Variants in SH2D4A observed in about 807,000 individuals in gnomAD.
SH2D4A encodes the protein SH2 domain-containing protein 4A.
A neutral mutation model predicts 64.7 loss-of-function variants in SH2D4A; 70 were observed. That is an observed-to-expected ratio of 1.08 (90% CI 0.89 to 1.32). SH2D4A has a LOEUF of 1.32. SH2D4A is among the 40% of genes most tolerant of loss of function. The pLI is 0.00. For missense variants in SH2D4A, 706 were observed against 540.1 expected, an observed-to-expected ratio of 1.31 and a Z score of -3.04; for synonymous variants, 268 against 200.7, an observed-to-expected ratio of 1.34 and a Z score of -2.83.
At chr8:19,359,862 CA>C (rs2052851981) in intron 5 of SH2D4A, among the ~76,000 whole-genome samples, 1 of 152,196 alleles carries the variant, frequency 6.6e-6, no homozygotes, top group Admixed American at 6.5e-5. Flanking sequence ...GACATAATAG[CA>C]AGGAAGTCTT....
intron 9 of SH2D4A, 46 bp downstream of exon 9, chr8:19,393,587 G>A: frequency 1.9e-6 from 3 of 1,575,646 alleles, no homozygotes; most frequent in South Asian, 2.2e-5. Flanking sequence ...TTACTGTCCT[G>A]TAGCAGCTCT....
intron 8 of SH2D4A, among the ~76,000 whole-genome samples, chr8:19,383,327 T>G (rs1220930039): frequency 6.6e-6 from 1 of 152,098 alleles, no homozygotes; most frequent in South Asian, 2.1e-4. Context: ...TGCTTAAATC[T>G]GCCTGTGAAT....
At position 19,386,408 on chromosome 8, in the gene SH2D4A, G is replaced by A. The variant is rs149756698; in HGVS notation, c.1049-6910G>A. On this transcript the variant is annotated intron_variant, in intron 8 of 9. Transcript: ENST00000265807. ...AGTGCAGCAGGCTTCCTGCAAAAAT[G>A]TCACTGTGTTTGCCAGTAATGTGGG... 4.5e-3 allele frequency among the ~76,000 whole-genome samples: 684 copies of A among 152,344 alleles called. 8 individuals carry two copies. Among genetic ancestry groups the A allele is most frequent in the African/African-American group, 0.016 (663 of 41,574 alleles).
rs556611210 is a variant in SH2D4A, at chr8:19,392,041, A to ACTCTGTGAGTTT, written c.1049-1276_1049-1265dup. Among the ~76,000 whole-genome samples the ACTCTGTGAGTTT allele has an allele frequency of 7.4e-4, 112 of 152,010 alleles. 1 individual carries two copies. The highest frequency in any genetic ancestry group is 2.3e-3 in the African/African-American group (97 of 41,460). ...CCCCATCTTTCCAAGATGCGTTTCT[A>ACTCTGTGAGTTT]CTCTGTGAGTTTTACAGCATTATCT... On this transcript the variant is annotated intron_variant, in intron 8 of 9. Transcript: ENST00000265807.
intron 7 of SH2D4A, among the ~76,000 whole-genome samples, chr8:19,367,235 C>G (rs547235215): frequency 1.3e-5 from 2 of 152,276 alleles, no homozygotes; most frequent in African/African-American, 4.8e-5. Context: ...ATCTCTTTGA[C>G]ATACTGATTT....
intron 7 of SH2D4A, among the ~76,000 whole-genome samples, chr8:19,372,974 C>A (rs1052321385): frequency 1.3e-5 from 2 of 151,880 alleles, no homozygotes; most frequent in African/African-American, 2.4e-5. Flanking sequence ...TATCTTATTG[C>A]ATTTGATTTC....
intron 4 of SH2D4A, among the ~76,000 whole-genome samples, chr8:19,354,152 C>G (rs1022392333): frequency 2.6e-5 from 4 of 151,956 alleles, no homozygotes; most frequent in Admixed American, 2.0e-4. Context: ...CCACCATGCA[C>G]CACCATGCCA....
chr8:19,378,358 T>C (rs2053231033), intron 8 of SH2D4A, among the ~76,000 whole-genome samples: 1 of 152,216 alleles, frequency 6.6e-6, no homozygotes, highest in Non-Finnish European at 1.5e-5. Flanking sequence ...TATTTTTGCA[T>C]AGAATAGACA....
At position 19,393,498 on chromosome 8, in the gene SH2D4A, A is replaced by C. The variant is rs769066076; in HGVS notation, c.1229A>C (p.Gln410Pro). 1 of 1,614,146 alleles carries C rather than the reference A, an allele frequency of 6.2e-7. No homozygotes were observed. The highest frequency in any genetic ancestry group is 8.5e-7 in the Non-Finnish European group (1 of 1,180,062). The change falls in exon 9 of 10, where the codon CAG becomes CCG. Residue 410 changes from glutamine (Q) to proline (P), a missense_variant. By Grantham distance (76) the Gln-to-Pro change is moderately conservative. Coordinates refer to ENST00000265807, the MANE Select transcript of SH2D4A (RefSeq NM_022071.4). ...GCCTACAGCTTCCTGGGCGTGGACC[A>C]GCTACAGCATGCCACCTTGGCGGAT... ...ADAYSFLGVD[Q>P]LQHATLADLV... is the part of the protein sequence containing the mutation.
At chr8:19,377,345 G>A (rs2053213342) in intron 8 of SH2D4A, among the ~76,000 whole-genome samples, 1 of 152,174 alleles carries the variant, frequency 6.6e-6, no homozygotes, top group Non-Finnish European at 1.5e-5. Context: ...TGGAGCCACT[G>A]TACTCCAGCC....
intron 8 of SH2D4A, among the ~76,000 whole-genome samples, chr8:19,381,958 T>C (rs1197638032): frequency 6.6e-6 from 1 of 152,200 alleles, no homozygotes; most frequent in Non-Finnish European, 1.5e-5. Flanking sequence ...GATTTTCATA[T>C]ATTGTACCAT....
intron 2 of SH2D4A, among the ~76,000 whole-genome samples, chr8:19,320,833 C>G (rs1029357739): frequency 3.9e-5 from 6 of 152,128 alleles, no homozygotes; most frequent in African/African-American, 1.2e-4. Flanking sequence ...AAGACCGTCT[C>G]TTTTCATGTT....
At chr8:19,380,683 G>A (rs13263385) in intron 8 of SH2D4A, among the ~76,000 whole-genome samples, 23,626 of 152,118 alleles carry the variant, frequency 0.16, 2,178 homozygotes, top group African/African-American at 0.25. Context: ...ATTTGACCAT[G>A]TCTATGCATT....
chr8:19,328,922 G>A (rs536335573), intron 2 of SH2D4A, among the ~76,000 whole-genome samples: 2 of 152,238 alleles, frequency 1.3e-5, no homozygotes, highest in South Asian at 4.1e-4. Context: ...TAGCTTTCTG[G>A]CTCAGCTGCA....
intron 2 of SH2D4A, among the ~76,000 whole-genome samples, chr8:19,329,896 G>T (rs988217569): frequency 2.6e-5 from 4 of 152,138 alleles, no homozygotes; most frequent in African/African-American, 9.7e-5. Flanking sequence ...TTTGCAAATT[G>T]CCCAGTCTTG....
intron 8 of SH2D4A, among the ~76,000 whole-genome samples, chr8:19,390,347 C>G (rs2053470596): frequency 6.6e-6 from 1 of 152,194 alleles, no homozygotes; most frequent in East Asian, 1.9e-4. Context: ...CACCACTGCA[C>G]TGCAGCTTGA....
chr8:19,368,390 G>T lies in SH2D4A; in HGVS notation c.917+4108G>T, dbSNP rs574299652. Among the ~76,000 whole-genome samples, 11 of 152,174 alleles carry T rather than the reference G, an allele frequency of 7.2e-5. No individual in the cohort carries two copies. The South Asian group carries it at 2.3e-3, about 32-fold the overall frequency. On this transcript the variant is annotated intron_variant, in intron 7 of 9. Coordinates refer to ENST00000265807, the MANE Select transcript of SH2D4A (RefSeq NM_022071.4). ...AATTTTGAAAGTTTTTTCTTTTTCTGTGAAAGATATCATTGGTATTTTGAT... is the reference window on the plus strand; with the variant it reads ...AATTTTGAAAGTTTTTTCTTTTTCTTTGAAAGATATCATTGGTATTTTGAT...
intron 4 of SH2D4A, among the ~76,000 whole-genome samples, chr8:19,351,945 G>A (rs951611155): frequency 6.6e-6 from 1 of 152,050 alleles, no homozygotes; most frequent in African/African-American, 2.4e-5. Context: ...CATCATGCCT[G>A]GCTAATTTTT....
chr8:19,377,534 T>C lies in SH2D4A; in HGVS notation c.1048+3874T>C, dbSNP rs149457292. Reference sequence around the variant, plus strand: ...AAACATATATATTGTAATAAAAATATACAGTATTGTGTTTAACATTTAAAT... The same window carrying C: ...AAACATATATATTGTAATAAAAATACACAGTATTGTGTTTAACATTTAAAT... On this transcript the variant is annotated intron_variant, in intron 8 of 9. Coordinates refer to ENST00000265807, the MANE Select transcript of SH2D4A (RefSeq NM_022071.4). Among the ~76,000 whole-genome samples, 795 of 152,348 alleles carry C rather than the reference T, an allele frequency of 5.2e-3. 7 individuals are homozygous for C. Among genetic ancestry groups the C allele is most frequent in the African/African-American group, 0.018 (759 of 41,588 alleles).
Sources: allele counts gnomAD v4.1 joint callset (sites outside exome capture counted in the v4.1 genomes callset), GRCh38; gene constraint gnomAD v4.1.1; transcripts MANE v1.5; gene names NCBI Gene and HGNC (gene_info 2026-07-23, HGNC 2026-07-21).